ADGRG5: variants seen among roughly 807,000 people sequenced by gnomAD.
ADGRG5 encodes G protein-coupled receptor 114.
A neutral mutation model predicts 53.2 loss-of-function variants in ADGRG5; 37 were observed. The observed-to-expected ratio is 0.70, with a 90% CI of 0.53 to 0.91. The LOEUF is 0.91. Among genes scored for constraint, ADGRG5 ranks in the 40% least tolerant of loss-of-function variants. ADGRG5 has a pLI of 0.00. For synonymous variants in ADGRG5, 277 were observed against 290.4 expected, an observed-to-expected ratio of 0.95 and a Z score of 0.47; for missense variants, 614 against 675.8, an observed-to-expected ratio of 0.91 and a Z score of 1.01.
the ADGRG5 span, among the ~76,000 whole-genome samples, chr16:57,537,445 G>T: frequency 6.6e-6 from 1 of 152,236 alleles, no homozygotes; most frequent in Non-Finnish European, 1.5e-5. Context: ...GATTAACGGA[G>T]TTTAGATTAT....
the ADGRG5 span, among the ~76,000 whole-genome samples, chr16:57,533,213 C>A: frequency 6.6e-6 from 1 of 152,100 alleles, no homozygotes; most frequent in Non-Finnish European, 1.5e-5. Context: ...AGCAGGAGCA[C>A]GGAAGTTTTG....
chr16:57,534,731 T>C, the ADGRG5 span, among the ~76,000 whole-genome samples: 1 of 152,062 alleles, frequency 6.6e-6, no homozygotes, highest in Non-Finnish European at 1.5e-5. Context: ...TTTGGGAAGG[T>C]TGAGTCATCC....
At chr16:57,530,426 T>C in the ADGRG5 span, among the ~76,000 whole-genome samples, 1 of 152,100 alleles carries the variant, frequency 6.6e-6, no homozygotes, top group Non-Finnish European at 1.5e-5. Context: ...AGAGCCCTGG[T>C]CCACAGATCT....
the ADGRG5 span, among the ~76,000 whole-genome samples, chr16:57,534,374 T>TGCAG: frequency 1.1e-4 from 17 of 152,230 alleles, no homozygotes; most frequent in Non-Finnish European, 2.5e-4. Flanking sequence ...TGACACTTGC[T>TGCAG]GCAGGCTAGG....
chr16:57,562,447 T>C lies in ADGRG5; in HGVS notation c.128T>C (p.Val43Ala), dbSNP rs920215318. 2.5e-6 allele frequency: 4 copies of C among 1,600,920 alleles called. No homozygotes were observed. The East Asian group carries it at 6.7e-5, about 27-fold the overall frequency. ...NMQVSRGRSS[V>A]FSSRQLHQLE... ...CAGGTGTCCAGGGGCCGGAGCTCAG[T>C]TTTTTCCTCTCGGTGAGTTGGATGT... Residue 43 changes from valine (V) to alanine (A), a missense_variant, in exon 3 of 12, where the codon GTT (valine) becomes GCT (alanine). Transcript: ENST00000349457.
In ADGRG5 at chr16:57,571,919, C is replaced by T. The variant is rs117644156; in HGVS notation, c.1208+1384C>T. On this transcript the variant is annotated intron_variant, in intron 10 of 11. Transcript: ENST00000349457. ...TTGACCTCCCAAAGTGCTGGGATTA[C>T]AGGCGTGAACACTATGCCCAGCCTA... Among the ~76,000 whole-genome samples the T allele has an allele frequency of 5.7e-3, 870 of 152,108 alleles. 3 individuals carry two copies. Among genetic ancestry groups the T allele is most frequent in the Non-Finnish European group, 9.3e-3 (629 of 67,998 alleles).
intron 1 of ADGRG5, among the ~76,000 whole-genome samples, chr16:57,559,869 TAAAAAA>T (rs1316379853): frequency 6.6e-6 from 1 of 152,196 alleles, no homozygotes; most frequent in South Asian, 2.1e-4. Context: ...TTTACACAAT[TAAAAAA>T]ACTCCTGTTC....
At position 57,570,375 on chromosome 16, in the gene ADGRG5, C is replaced by T. The variant is rs985429356; in HGVS notation, c.1091-43C>T. 3.7e-6 allele frequency: 5 copies of T among 1,351,274 alleles called. No individual in the cohort carries two copies. In the Admixed American group the frequency reaches 8.4e-5, roughly 23 times the overall value. 83.7% of individuals were successfully genotyped at this position (1,351,274 alleles called of 1,614,324 possible). On this transcript the variant is annotated intron_variant, in intron 9 of 11. Coordinates refer to ENST00000349457, the MANE Select transcript of ADGRG5 (RefSeq NM_001304376.3). ...AGGGACCGCCCCAGGGACCGAGGGT[C>T]AGCCCTCTCCCACATCTCCTGAGCC...
At chr16:57,537,997 A>AAG (rs2032430814), upstream of ADGRG5, among the ~76,000 whole-genome samples, 1 of 152,174 alleles carries the variant, frequency 6.6e-6, no homozygotes. Flanking sequence ...GCCTTGGATC[A>AAG]AGAGCCCAGA....
At position 57,568,026 on chromosome 16, in the gene ADGRG5, G is replaced by T; in HGVS notation, c.992G>T (p.Trp331Leu). The stretch of plus-strand genomic sequence containing the variant: ...TACGCGCTGCTCAGCTGCCTCACCT[G>T]GATGGCCATCGAGGGCTTCAACCTC... ...LHYALLSCLT[W>L]MAIEGFNLYL... Residue 331 changes from tryptophan to leucine, a missense_variant, in exon 9 of 12, where the codon TGG becomes TTG. Coordinates refer to ENST00000349457, the MANE Select transcript of ADGRG5 (RefSeq NM_001304376.3). 11 of 1,614,042 alleles carry T rather than the reference G, an allele frequency of 6.8e-6. No homozygotes were observed. The highest frequency in any genetic ancestry group is 9.3e-6 in the Non-Finnish European group (11 of 1,179,948).
chr16:57,537,830 T>C (rs1307242724), upstream of ADGRG5, among the ~76,000 whole-genome samples: 1 of 152,228 alleles, frequency 6.6e-6, no homozygotes. Flanking sequence ...CGTGGCTGAA[T>C]GTTGAAAGCG....
At chr16:57,552,871 G>A (rs796773939) in intron 1 of ADGRG5, among the ~76,000 whole-genome samples, 1 of 152,030 alleles carries the variant, frequency 6.6e-6, no homozygotes, top group Non-Finnish European at 1.5e-5. Context: ...TCTTCTACTT[G>A]AACACTTAAG....
intron 10 of ADGRG5, among the ~76,000 whole-genome samples, chr16:57,573,401 T>C (rs2033415624): frequency 1.5e-5 from 2 of 133,044 alleles, no homozygotes; most frequent in Admixed American, 8.6e-5. Context: ...ATCACTGCAC[T>C]CCAGCCTGGT....
the ADGRG5 span, among the ~76,000 whole-genome samples, chr16:57,536,952 G>A: frequency 6.6e-6 from 1 of 152,210 alleles, no homozygotes; most frequent in Non-Finnish European, 1.5e-5. Context: ...AGTCTTCACT[G>A]TTGTTACCTG....
the ADGRG5 span, among the ~76,000 whole-genome samples, chr16:57,537,056 G>C: frequency 6.6e-6 from 1 of 152,202 alleles, no homozygotes; most frequent in African/African-American, 2.4e-5. Context: ...ACAACAGAAG[G>C]GTTGACGAAA....
chr16:57,540,404 A>G (rs1162516489), upstream of ADGRG5, among the ~76,000 whole-genome samples: 1 of 152,222 alleles, frequency 6.6e-6, no homozygotes, highest in Non-Finnish European at 1.5e-5. Flanking sequence ...ATCTTCTTGC[A>G]GGCTACTCAC....
At chr16:57,564,866 A>AAAGGCTGGGAGGCTGGG (rs560517636) in intron 5 of ADGRG5, among the ~76,000 whole-genome samples, 168 bp from the exon 6 acceptor site, 379 of 142,638 alleles carry the variant, frequency 2.7e-3, no homozygotes, top group Admixed American at 4.9e-3. Context: ...CAGCACATGC[A>AAAGGCTGGGAGGCTGGG]AAGGCTGGGA....
At chr16:57,562,270 G>T in intron 2 of ADGRG5, 113 bp downstream of exon 2, 1 of 1,400,106 alleles carries the variant, frequency 7.1e-7, no homozygotes, top group African/African-American at 1.4e-5. Context: ...AGGCTTCCTG[G>T]GGGCAGCAGG....
intron 6 of ADGRG5, 70 bp from the exon 7 acceptor site, chr16:57,566,529 C>A (rs1385395867): frequency 7.7e-7 from 1 of 1,306,906 alleles, no homozygotes; most frequent in Non-Finnish European, 1.0e-6. Context: ...CCGTTGGCCC[C>A]CAGGACTCCC....
Sources: allele counts gnomAD v4.1 joint callset (sites outside exome capture counted in the v4.1 genomes callset), GRCh38; gene constraint gnomAD v4.1.1; transcripts MANE v1.5; gene names NCBI Gene and HGNC (gene_info 2026-07-23, HGNC 2026-07-21).